RIPOR2: variants seen among roughly 807,000 people sequenced by gnomAD.
RIPOR2 encodes RHO family interacting cell polarization regulator 2.
RIPOR2 carries 39 observed loss-of-function variants against 114.5 expected under a neutral mutation model. The ratio of observed to expected loss-of-function variants is 0.34; its 90% CI spans 0.26 to 0.44. The LOEUF (loss-of-function observed/expected upper bound fraction) is 0.44. RIPOR2 is among the 20% of genes least tolerant of loss of function. The pLI is 1.00. For synonymous variants in RIPOR2, 445 were observed against 484.4 expected (o/e 0.92, Z 1.07); for missense variants, 1,007 against 1,255.1 (o/e 0.80, Z 2.99).
chr6:25,025,353 A>G (rs1377895781), intron 1 of RIPOR2, among the ~76,000 whole-genome samples: 4 of 152,178 alleles, frequency 2.6e-5, no homozygotes, highest in Non-Finnish European at 4.4e-5. Context: ...ATTTGGAGAT[A>G]GTACTTTGGA....
chr6:25,028,252 C>A (rs1278175356), intron 1 of RIPOR2, among the ~76,000 whole-genome samples: 2 of 152,232 alleles, frequency 1.3e-5, no homozygotes, highest in South Asian at 4.1e-4. Flanking sequence ...AGGAGACTCC[C>A]AGAGCTGTGT....
At position 24,819,233 on chromosome 6, in the gene RIPOR2, A is replaced by C. The variant is rs138560423; in HGVS notation, c.2869-608T>G. Among the ~76,000 whole-genome samples the C allele has an allele frequency of 4.8e-4, 73 of 152,294 alleles. No individual in the cohort carries two copies. The East Asian group carries it at 0.014, about 29-fold the overall frequency. On this transcript the variant is annotated intron_variant, in intron 19 of 21. Coordinates refer to ENST00000643898, the MANE Select transcript of RIPOR2 (RefSeq NM_001286445.3). ...AGGAACTGAAGAGAAGAAATGTATT[A>C]GGTCCCATAAGAAATCTACAAGGTA... is the stretch of plus-strand genomic sequence containing the variant.
rs1761654821 is a variant in RIPOR2 at position 24,840,920 on chromosome 6, C to T, written c.1858-1648G>A. ...TCTCAGGGGGAGACAGGGAGTCGGTCTTGACTTCACCTACTTCTAGGGTCT... is the reference window on the plus strand; with the variant it reads ...TCTCAGGGGGAGACAGGGAGTCGGTTTTGACTTCACCTACTTCTAGGGTCT... On this transcript the variant is annotated intron_variant, in intron 13 of 21. Transcript: ENST00000643898. 6 of 748,244 alleles carry T rather than the reference C, an allele frequency of 8.0e-6. No individual in the cohort carries two copies. The South Asian group carries it at 1.0e-4, about 13-fold the overall frequency. 46.4% of individuals were successfully genotyped at this position (748,244 alleles called of 1,614,324 possible).
intron 8 of RIPOR2, among the ~76,000 whole-genome samples, chr6:24,853,444 A>G (rs957931027): frequency 5.3e-5 from 8 of 152,220 alleles, no homozygotes; most frequent in Admixed American, 1.3e-4. Context: ...GGCTATATGT[A>G]AGGGTCTAAG....
Position 24,825,137 on chromosome 6 carries a change from T to C in RIPOR2, c.2868+89A>G, listed in dbSNP as rs369055387. On this transcript the variant is annotated intron_variant, in intron 19 of 21. Transcript: ENST00000643898. ...TTATTAATACGCAGAAAAATTATTT[T>C]TATAAAGGAATAAATGCTAAAATAT... 1.9e-3 allele frequency: 1,830 copies of C among 981,954 alleles called. 8 individuals are homozygous for C. Among genetic ancestry groups the C allele is most frequent in the South Asian group, 5.3e-3 (315 of 59,774 alleles). 60.8% of individuals were successfully genotyped at this position (981,954 alleles called of 1,614,324 possible).
At chr6:24,898,783 T>C (rs1393622546) in intron 1 of RIPOR2, among the ~76,000 whole-genome samples, 1 of 152,176 alleles carries the variant, frequency 6.6e-6, no homozygotes, top group Non-Finnish European at 1.5e-5. Flanking sequence ...GGTGATAACT[T>C]CCTTTGTTCC....
At chr6:24,811,377 G>A (rs924591311) in intron 20 of RIPOR2, among the ~76,000 whole-genome samples, 3 of 150,942 alleles carry the variant, frequency 2.0e-5, no homozygotes, top group African/African-American at 7.3e-5. Context: ...GGGATTACAG[G>A]TGTGTGCCAC....
intron 20 of RIPOR2, among the ~76,000 whole-genome samples, chr6:24,810,031 G>C (rs1781039776): frequency 6.6e-6 from 1 of 152,072 alleles, no homozygotes; most frequent in African/African-American, 2.4e-5. Flanking sequence ...TTTAACCTTT[G>C]GTACAGATGA....
chr6:24,926,210 T>G (rs1248959932), intron 1 of RIPOR2, among the ~76,000 whole-genome samples: 4 of 152,206 alleles, frequency 2.6e-5, no homozygotes, highest in Non-Finnish European at 5.9e-5. Context: ...TTAAAAGAAC[T>G]CTGTAAAGTG....
intron 1 of RIPOR2, among the ~76,000 whole-genome samples, chr6:24,926,998 TCAC>T (rs1469994036): frequency 3.8e-5 from 1 of 26,286 alleles, no homozygotes; most frequent in Non-Finnish European, 7.0e-5. Context: ...ACAACTACAA[TCAC>T]CACCACCATC....
At chr6:24,825,896 C>CTATT (rs1022851746) in intron 18 of RIPOR2, among the ~76,000 whole-genome samples, 34 of 148,018 alleles carry the variant, frequency 2.3e-4, no homozygotes, top group East Asian at 9.9e-4. Context: ...ACCTATCTAT[C>CTATT]TATTTATTTA....
chr6:24,959,449 G>T (rs1773201990), intron 1 of RIPOR2, among the ~76,000 whole-genome samples: 1 of 152,250 alleles, frequency 6.6e-6, no homozygotes, highest in Non-Finnish European at 1.5e-5. Flanking sequence ...TCTCATGAAA[G>T]TAGGAAAGAT....
intron 1 of RIPOR2, among the ~76,000 whole-genome samples, chr6:25,004,748 T>C (rs1243439300): frequency 6.6e-6 from 1 of 152,208 alleles, no homozygotes; most frequent in Non-Finnish European, 1.5e-5. Context: ...TTTTGTTTTG[T>C]TTTGTTTTGT....
chr6:24,869,554 G>A (rs1051400321), intron 5 of RIPOR2, among the ~76,000 whole-genome samples: 26 of 152,124 alleles, frequency 1.7e-4, no homozygotes, highest in Non-Finnish European at 1.5e-4. Flanking sequence ...CTGAGCTCAG[G>A]TGATCCACCT....
At chr6:24,863,683 G>A (rs1764306365) in intron 7 of RIPOR2, among the ~76,000 whole-genome samples, 1 of 152,096 alleles carries the variant, frequency 6.6e-6, no homozygotes, top group Non-Finnish European at 1.5e-5. Context: ...GTATGATGAA[G>A]GTAGAAAACA....
At chr6:24,956,655 C>T (rs865982609) in intron 1 of RIPOR2, among the ~76,000 whole-genome samples, 10 of 146,890 alleles carry the variant, frequency 6.8e-5, no homozygotes, top group Non-Finnish European at 9.0e-5. Flanking sequence ...AGTTTTTAAG[C>T]GGTAGAGGTG....
At chr6:24,968,075 G>T (rs1773614468) in intron 1 of RIPOR2, among the ~76,000 whole-genome samples, 1 of 151,846 alleles carries the variant, frequency 6.6e-6, no homozygotes, top group Non-Finnish European at 1.5e-5. Context: ...ACCACACCTG[G>T]CTCTATTTTT....
chr6:24,980,662 G>C (rs553110865), intron 1 of RIPOR2, among the ~76,000 whole-genome samples: 126 of 152,318 alleles, frequency 8.3e-4, no homozygotes, highest in African/African-American at 2.9e-3. Context: ...CAGGTGCACA[G>C]AAGCACCTGC....
Position 24,847,527 on chromosome 6 carries a change from G to A in RIPOR2, c.1164+498C>T, listed in dbSNP as rs568563152. 3.2e-6 allele frequency: 5 copies of A among 1,549,738 alleles called. No homozygotes were observed. The Admixed American group carries it at 7.9e-5, about 24-fold the overall frequency. On this transcript the variant is annotated intron_variant, in intron 12 of 21. Transcript: ENST00000643898. ...CAGAAGTCAAGCACTCCATACCCGG[G>A]CAGGCCACACTCACATAGAGCTCTA...
Sources: allele counts gnomAD v4.1 joint callset (sites outside exome capture counted in the v4.1 genomes callset), GRCh38; gene constraint gnomAD v4.1.1; transcripts MANE v1.5; gene names NCBI Gene and HGNC (gene_info 2026-07-23, HGNC 2026-07-21).